The following LEMD3 variants were observed in gnomAD, a reference collection of about 807,000 sequenced individuals.
LEMD3 encodes inner nuclear membrane protein Man1.
LEMD3 carries 33 observed loss-of-function variants against 95.2 expected under a neutral mutation model. That is an observed-to-expected ratio of 0.35 (90% confidence interval 0.26 to 0.46). LEMD3 has a LOEUF of 0.46. Among genes scored for constraint, LEMD3 ranks in the 20% least tolerant of loss-of-function variants. The pLI, the probability that LEMD3 is intolerant of heterozygous loss-of-function variation, is 1.00. For missense variants in LEMD3, 1,210 were observed against 1,192.8 expected (o/e 1.01, Z -0.21); for synonymous variants, 525 against 474.6 (o/e 1.11, Z -1.38).
At chr12:65,223,720 C>T (rs1870362519) in intron 4 of LEMD3, among the ~76,000 whole-genome samples, 1 of 151,552 alleles carries the variant, frequency 6.6e-6, no homozygotes. Flanking sequence ...AGTCCATTTA[C>T]ATTTAAAGTA....
chr12:65,224,088 GT>G (rs1870376858), intron 4 of LEMD3, among the ~76,000 whole-genome samples: 1 of 151,960 alleles, frequency 6.6e-6, no homozygotes, highest in East Asian at 1.9e-4. Flanking sequence ...TTTTTATAAA[GT>G]TTTTTATACT....
chr12:65,219,640 T>C (rs1359622037), intron 4 of LEMD3, among the ~76,000 whole-genome samples: 1 of 152,196 alleles, frequency 6.6e-6, no homozygotes, highest in African/African-American at 2.4e-5. Flanking sequence ...TGCATTCTTA[T>C]ACAGCAAATC....
rs752226487 is a variant in LEMD3 at position 65,243,420 on chromosome 12, A to C, written c.2338A>C (p.Asn780His). 3 of 1,604,316 alleles carry C rather than the reference A, an allele frequency of 1.9e-6. No homozygotes were observed. The South Asian group carries it at 3.3e-5, about 18-fold the overall frequency. The change falls in exon 10 of 13, where the codon AAT (asparagine) becomes CAT (histidine). Residue 780 changes from asparagine to histidine, a missense_variant. This residue lies in a region of LEMD3 where 461 missense variants were observed against 569.8 expected (regional missense o/e 0.81). Coordinates refer to ENST00000308330, the MANE Select transcript of LEMD3 (RefSeq NM_014319.5). ...TTTAGATAGAAGAAATTCACCACCA[A>C]ATAGTTTGACACCGTGTCTAAAGAT... Reference protein sequence around the residue: ...FHLDRRNSPPNSLTPCLKIRN... With the variant: ...FHLDRRNSPPHSLTPCLKIRN...
intron 6 of LEMD3, among the ~76,000 whole-genome samples, 161 bp downstream of exon 6, chr12:65,238,975 A>C (rs923062088): frequency 3.9e-5 from 6 of 152,302 alleles, no homozygotes; most frequent in Non-Finnish European, 8.8e-5. Context: ...GAATCATTCT[A>C]AAGGCTTAGA....
chr12:65,247,288 A>G lies in LEMD3; in HGVS notation c.*963A>G, dbSNP rs1465831524. 6.6e-6 allele frequency: 1 copy of G among 152,628 alleles called. No homozygotes were observed. Among genetic ancestry groups the G allele is most frequent in the Non-Finnish European group, 1.5e-5 (1 of 68,010 alleles). 9.5% of individuals were successfully genotyped at this position (152,628 alleles called of 1,614,324 possible). Reference sequence around the variant, plus strand: ...TATTTTGTGAAAAGCTGTATTTATTATAAATACTAGGGCCATGACATAGTA... The same window carrying G: ...TATTTTGTGAAAAGCTGTATTTATTGTAAATACTAGGGCCATGACATAGTA... On this transcript the variant is annotated 3_prime_UTR_variant, in exon 13 of 13. Transcript: ENST00000308330.
intron 4 of LEMD3, among the ~76,000 whole-genome samples, chr12:65,227,293 T>G (rs1365128283): frequency 2.0e-5 from 3 of 152,200 alleles, no homozygotes; most frequent in Non-Finnish European, 4.4e-5. Context: ...CTTTCCTGTT[T>G]TCTTTTTGTT....
chr12:65,185,181 A>T (rs1869022988), intron 1 of LEMD3, among the ~76,000 whole-genome samples: 1 of 152,096 alleles, frequency 6.6e-6, no homozygotes, highest in South Asian at 2.1e-4. Context: ...TTCATAATAT[A>T]ATGTTGTAGA....
intron 2 of LEMD3, among the ~76,000 whole-genome samples, chr12:65,212,373 T>A (rs1033020127): frequency 6.6e-6 from 1 of 151,858 alleles, no homozygotes; most frequent in Non-Finnish European, 1.5e-5. Context: ...GCAAACAGTT[T>A]AAAATATCCT....
chr12:65,197,505 A>T (rs558014896), intron 1 of LEMD3, among the ~76,000 whole-genome samples: 2 of 152,272 alleles, frequency 1.3e-5, no homozygotes, highest in South Asian at 2.1e-4. Context: ...ATAAATAAAA[A>T]TGTCTTTAGC....
At chr12:65,231,621 A>G (rs2136349551) in intron 4 of LEMD3, among the ~76,000 whole-genome samples, 1 of 152,176 alleles carries the variant, frequency 6.6e-6, no homozygotes, top group East Asian at 1.9e-4. Flanking sequence ...GATTACCTTG[A>G]TTGTACCACT....
Position 65,170,163 on chromosome 12 carries a change from G to T in LEMD3, c.567G>T (p.Glu189Asp). The change falls in exon 1 of 13, where the codon GAG becomes GAT. Residue 189 changes from glutamate (E) to aspartate (D), a missense_variant. By Grantham distance (45) the Glu-to-Asp change is conservative. Around this residue, in one of 2 missense-constraint regions of LEMD3, gnomAD observed 749 missense variants for 622.9 expected, o/e 1.20. Coordinates refer to ENST00000308330, the MANE Select transcript of LEMD3 (RefSeq NM_014319.5). ...ASEVTNSNSAERRKPHSWWGA... is the reference protein window; with the variant it reads ...ASEVTNSNSADRRKPHSWWGA... ...AGGTGACTAACAGCAACTCTGCAGA[G>T]CGAAGGAAGCCCCACTCGTGGTGGG... 1 of 1,489,972 alleles carries T rather than the reference G, an allele frequency of 6.7e-7. No individual in the cohort carries two copies. Among genetic ancestry groups the T allele is most frequent in the Non-Finnish European group, 8.9e-7 (1 of 1,124,670 alleles). 92.3% of individuals were successfully genotyped at this position (1,489,972 alleles called of 1,614,324 possible). A position where few individuals can be genotyped will look rare whatever the true frequency, so the allele number is the denominator to read the frequency against.
At chr12:65,226,189 C>G (rs958823109) in intron 4 of LEMD3, among the ~76,000 whole-genome samples, 1 of 152,090 alleles carries the variant, frequency 6.6e-6, no homozygotes, top group Non-Finnish European at 1.5e-5. Flanking sequence ...CCAGTTGCCC[C>G]GAAAAGTCAG....
chr12:65,215,918 T>A, intron 2 of LEMD3, 59 bp from the exon 3 acceptor site: 1 of 659,444 alleles, frequency 1.5e-6, no homozygotes, highest in Non-Finnish European at 2.6e-6. Flanking sequence ...TGATTAAGAA[T>A]TATTTGGTGT....
In LEMD3 at chr12:65,199,479, A is replaced by G. The variant is rs182621258; in HGVS notation, c.1523-11447A>G. Among the ~76,000 whole-genome samples, 11 of 152,192 alleles carry G rather than the reference A, an allele frequency of 7.2e-5. No homozygotes were observed. The East Asian group carries it at 2.1e-3, about 29-fold the overall frequency. The stretch of plus-strand genomic sequence containing the variant: ...TATTTTAAAAATTTCTAGACACAAG[A>G]TCTTATATTTTAGCTATTTTTCGAT... On this transcript the variant is annotated intron_variant, in intron 1 of 12. Transcript: ENST00000308330.
intron 1 of LEMD3, chr12:65,171,349 A>G (rs1460876157): frequency 1.7e-6 from 1 of 604,214 alleles, no homozygotes; most frequent in Admixed American, 3.2e-5. Context: ...ATTCAAAACA[A>G]TTTTTAAAAG....
chr12:65,246,110 C>G, intron 12 of LEMD3, 52 bp from the exon 13 acceptor site: 1 of 1,439,764 alleles, frequency 6.9e-7, no homozygotes, highest in Non-Finnish European at 9.7e-7. Flanking sequence ...TAATTTTCTG[C>G]AAATATTAAA....
At chr12:65,209,643 A>G (rs1278733976) in intron 1 of LEMD3, among the ~76,000 whole-genome samples, 2 of 151,984 alleles carry the variant, frequency 1.3e-5, no homozygotes, top group Non-Finnish European at 2.9e-5. Context: ...ATTTTCTGTA[A>G]TATCTTTCAA....
intron 1 of LEMD3, among the ~76,000 whole-genome samples, chr12:65,200,724 A>G (rs74809372): frequency 0.028 from 4,307 of 152,112 alleles, 99 homozygotes; most frequent in Middle Eastern, 0.085. Flanking sequence ...ACTTTATCAG[A>G]TATGTCTTGC....
Position 65,169,598 on chromosome 12 carries a change from TGGC to T in LEMD3, c.9_11del (p.Ala6?). 6.3e-7 allele frequency: 1 copy of T among 1,587,686 alleles called. No homozygotes were observed. Among genetic ancestry groups the T allele is most frequent in the Non-Finnish European group, 8.6e-7 (1 of 1,169,136 alleles). ...CTTGTAAAACACCCTGGAGAGAAAA[TGGC>T]GGCGGCAGCAGCTTCGGCGCCTCAG... is the stretch of plus-strand genomic sequence containing the variant. On this transcript the variant is annotated start_lost and inframe_deletion, in exon 1 of 13. Coordinates refer to ENST00000308330, the MANE Select transcript of LEMD3 (RefSeq NM_014319.5).
Sources: gnomAD v4.1 joint callset for allele counts (sites outside exome capture counted in the v4.1 genomes callset) on GRCh38, gnomAD v4.1.1 for gene constraint, gnomAD v4.1.1 regional missense constraint, MANE v1.5 for transcripts, NCBI Gene and HGNC (gene_info 2026-07-23, HGNC 2026-07-21) for gene names.